LHFPL3: variants seen among roughly 807,000 people sequenced by gnomAD.
LHFPL3 encodes LHFPL tetraspan subfamily member 3.
In LHFPL3, 5 loss-of-function variants were observed where a neutral mutation model predicts 19.3. The ratio of observed to expected loss-of-function variants is 0.26; its 90% CI spans 0.14 to 0.54. LHFPL3 has a LOEUF of 0.54. LHFPL3 is among the 20% of genes least tolerant of loss of function. The pLI, the probability that LHFPL3 is intolerant of heterozygous loss-of-function variation, is 0.94. For missense variants in LHFPL3, 249 were observed against 307.4 expected, an observed-to-expected ratio of 0.81 and a Z score of 1.42; for synonymous variants, 133 against 126.2, an observed-to-expected ratio of 1.05 and a Z score of -0.36.
At chr7:104,359,311 T>C (rs938392330) in intron 1 of LHFPL3, among the ~76,000 whole-genome samples, 4 of 152,226 alleles carry the variant, frequency 2.6e-5, no homozygotes, top group African/African-American at 4.8e-5. Flanking sequence ...GATAGAGCCT[T>C]CAGAAGGTCC....
At chr7:104,617,094 G>A (rs1188011568) in intron 1 of LHFPL3, among the ~76,000 whole-genome samples, 5 of 152,068 alleles carry the variant, frequency 3.3e-5, no homozygotes, top group Non-Finnish European at 5.9e-5. Flanking sequence ...ACAGTGCGGC[G>A]ATTCCTCAAG....
At chr7:104,691,129 A>G (rs1205480552) in intron 1 of LHFPL3, among the ~76,000 whole-genome samples, 2 of 152,214 alleles carry the variant, frequency 1.3e-5, no homozygotes, top group Non-Finnish European at 2.9e-5. Context: ...ATCACCATGC[A>G]TCCTGAACTG....
At chr7:104,519,065 G>A (rs1793990640) in intron 1 of LHFPL3, among the ~76,000 whole-genome samples, 1 of 152,050 alleles carries the variant, frequency 6.6e-6, no homozygotes. Flanking sequence ...TCCATCTTCT[G>A]TTCCCTCAGG....
At chr7:104,754,485 T>C (rs948262186) in intron 2 of LHFPL3, among the ~76,000 whole-genome samples, 1 of 152,228 alleles carries the variant, frequency 6.6e-6, no homozygotes, top group Non-Finnish European at 1.5e-5. Flanking sequence ...GCTTCACTGC[T>C]TACTAGCTGT....
chr7:104,582,617 CT>C (rs1790480600), intron 1 of LHFPL3, among the ~76,000 whole-genome samples: 1 of 151,858 alleles, frequency 6.6e-6, no homozygotes, highest in African/African-American at 2.4e-5. Context: ...AAGTAACTTC[CT>C]TTCTATTTCT....
At chr7:104,887,484 A>G (rs1027877119) in intron 2 of LHFPL3, among the ~76,000 whole-genome samples, 5 of 152,218 alleles carry the variant, frequency 3.3e-5, no homozygotes, top group Non-Finnish European at 5.9e-5. Flanking sequence ...AAGGGAAGTG[A>G]TATTTATAAA....
intron 2 of LHFPL3, among the ~76,000 whole-genome samples, chr7:104,760,787 G>T (rs1054722906): frequency 1.3e-5 from 2 of 152,086 alleles, no homozygotes; most frequent in African/African-American, 4.8e-5. Context: ...TTATTAAGTG[G>T]CCTGAGGGCA....
chr7:104,623,427 C>T (rs549949416), intron 1 of LHFPL3, among the ~76,000 whole-genome samples: 2 of 152,124 alleles, frequency 1.3e-5, no homozygotes, highest in Admixed American at 6.5e-5. Flanking sequence ...GTCAGGAGTT[C>T]GAGACCAGCC....
chr7:104,493,942 GAAT>G (rs1346598291), intron 1 of LHFPL3, among the ~76,000 whole-genome samples: 1 of 152,032 alleles, frequency 6.6e-6, no homozygotes, highest in Non-Finnish European at 1.5e-5. Context: ...ACCAGATACA[GAAT>G]AATTTATACT....
intron 2 of LHFPL3, among the ~76,000 whole-genome samples, chr7:104,840,474 C>CTTTTTTTT (rs71155530): frequency 1.5e-5 from 1 of 65,540 alleles, no homozygotes; most frequent in Non-Finnish European, 2.7e-5. Context: ...TTTTCTTTTC[C>CTTTTTTTT]TTTTTTTTTT....
intron 1 of LHFPL3, among the ~76,000 whole-genome samples, chr7:104,724,132 A>G (rs991237403): frequency 2.6e-5 from 4 of 152,194 alleles, no homozygotes; most frequent in Non-Finnish European, 4.4e-5. Context: ...GTTAGTTTCC[A>G]GTGGCTATAC....
intron 1 of LHFPL3, among the ~76,000 whole-genome samples, chr7:104,600,785 G>C (rs1370161428): frequency 6.6e-6 from 1 of 152,136 alleles, no homozygotes; most frequent in African/African-American, 2.4e-5. Context: ...CTGTGATTTG[G>C]AGTCACGATT....
At chr7:104,898,460 T>C (rs144648255) in intron 2 of LHFPL3, among the ~76,000 whole-genome samples, 1 of 152,328 alleles carries the variant, frequency 6.6e-6, no homozygotes, top group East Asian at 1.9e-4. Flanking sequence ...GATTATCTGT[T>C]AATTAATTGG....
chr7:104,518,468 A>C (rs1474011520), intron 1 of LHFPL3, among the ~76,000 whole-genome samples: 1 of 150,174 alleles, frequency 6.7e-6, no homozygotes, highest in Non-Finnish European at 1.5e-5. Flanking sequence ...TTTTAAATAA[A>C]TGATAATGGA....
At chr7:104,675,220 G>C (rs1792568907) in intron 1 of LHFPL3, among the ~76,000 whole-genome samples, 1 of 152,258 alleles carries the variant, frequency 6.6e-6, no homozygotes, top group Admixed American at 6.5e-5. Context: ...TCTAAGAGAA[G>C]TGTTTTCTAA....
chr7:104,876,890 T>C (rs1221757740), intron 2 of LHFPL3, among the ~76,000 whole-genome samples: 1 of 152,126 alleles, frequency 6.6e-6, no homozygotes. Context: ...TGTCCAACAA[T>C]GATAGACTGG....
At position 104,423,303 on chromosome 7, in the gene LHFPL3, G is replaced by T. The variant is rs1309188036; in HGVS notation, c.445+94079G>T. Reference sequence around the variant, plus strand: ...TAAGTGGGTCATCCAACTTGGTCTGGCCATGAGAGAAGAAACAGGCTTGTT... The same window carrying T: ...TAAGTGGGTCATCCAACTTGGTCTGTCCATGAGAGAAGAAACAGGCTTGTT... On this transcript the variant is annotated intron_variant, in intron 1 of 2. Transcript: ENST00000424859. Among the ~76,000 whole-genome samples, 4 of 152,132 alleles carry T rather than the reference G, an allele frequency of 2.6e-5. No individual in the cohort carries two copies. In the East Asian group the frequency reaches 7.7e-4, roughly 29 times the overall value.
chr7:104,847,172 G>C (rs934951464), intron 2 of LHFPL3, among the ~76,000 whole-genome samples: 10 of 152,164 alleles, frequency 6.6e-5, no homozygotes, highest in African/African-American at 2.4e-4. Flanking sequence ...AGTAGTTTGG[G>C]GTTATCCAGC....
rs369436779 is a variant in LHFPL3, at chr7:104,763,021, T to C, written c.682+26110T>C. 3.0e-4 allele frequency among the ~76,000 whole-genome samples: 45 copies of C among 152,296 alleles called. 2 individuals carry two copies. The South Asian group carries it at 9.3e-3, about 32-fold the overall frequency. On this transcript the variant is annotated intron_variant, in intron 2 of 2. Coordinates refer to ENST00000424859, the MANE Select transcript of LHFPL3 (RefSeq NM_199000.3). ...GACAAAAAGGACAGGGCACCAGACATTGTGTGACAGAGTAATGACTTGTTG... is the reference window on the plus strand; with the variant it reads ...GACAAAAAGGACAGGGCACCAGACACTGTGTGACAGAGTAATGACTTGTTG...
Sources: allele counts gnomAD v4.1 joint callset (sites outside exome capture counted in the v4.1 genomes callset), GRCh38; gene constraint gnomAD v4.1.1; transcripts MANE v1.5; gene names NCBI Gene and HGNC (gene_info 2026-07-23, HGNC 2026-07-21).